Variants in FAM184B observed in about 807,000 individuals in gnomAD.
FAM184B encodes protein FAM184B.
A neutral mutation model predicts 135.9 loss-of-function variants in FAM184B; 111 were observed. That is an observed-to-expected ratio of 0.82 (90% CI 0.70 to 0.96). FAM184B has a LOEUF of 0.96. Ranked by LOEUF, FAM184B falls within the 40% of genes least tolerant of loss-of-function variation. FAM184B has a pLI of 0.00. For missense variants in FAM184B, 1,375 were observed against 1,323.9 expected (o/e 1.04, Z -0.60); for synonymous variants, 552 against 524.8 (o/e 1.05, Z -0.71).
At position 17,631,655 on chromosome 4, in the gene FAM184B, G is replaced by A. The variant is rs1560161336; in HGVS notation, c.*877C>T. 1.3e-5 allele frequency: 2 copies of A among 152,266 alleles called. No individual in the cohort carries two copies. The highest frequency in any genetic ancestry group is 2.4e-5 in the African/African-American group (1 of 41,546). 9.4% of individuals were successfully genotyped at this position (152,266 alleles called of 1,614,324 possible). ...TTAATCCTTGCAAAGCCCTTTTAGAGGTGGGTGTTATCCCATCTATAATCT... is the reference window on the plus strand; with the variant it reads ...TTAATCCTTGCAAAGCCCTTTTAGAAGTGGGTGTTATCCCATCTATAATCT... On this transcript the variant is annotated 3_prime_UTR_variant, in exon 18 of 18. Coordinates refer to ENST00000265018, the MANE Select transcript of FAM184B (RefSeq NM_015688.2).
At chr4:17,673,926 T>A (rs145658331) in intron 7 of FAM184B, among the ~76,000 whole-genome samples, 2,537 of 151,874 alleles carry the variant, frequency 0.017, 83 homozygotes, top group African/African-American at 0.058. Flanking sequence ...TAAAAAAAAA[T>A]TTAAAACAAC....
intron 14 of FAM184B, among the ~76,000 whole-genome samples, chr4:17,637,022 T>C (rs766120272): frequency 6.6e-5 from 10 of 152,114 alleles, no homozygotes; most frequent in Admixed American, 1.3e-4. Flanking sequence ...GGCCGGTACC[T>C]ATGGCCTTTT....
chr4:17,654,291 T>C (rs1323874328), intron 10 of FAM184B, among the ~76,000 whole-genome samples: 1 of 151,994 alleles, frequency 6.6e-6, no homozygotes, highest in Admixed American at 6.6e-5. Context: ...ATGAATTTGG[T>C]TTCCCAGGGT....
chr4:17,694,522 CA>C (rs5856442), intron 5 of FAM184B, among the ~76,000 whole-genome samples: 79 of 141,518 alleles, frequency 5.6e-4, no homozygotes, highest in South Asian at 3.6e-3. Context: ...GACTCCATCT[CA>C]AAAAAAAAAA....
intron 1 of FAM184B, among the ~76,000 whole-genome samples, chr4:17,773,317 C>T (rs1267297002): frequency 1.3e-5 from 2 of 152,218 alleles, no homozygotes. Flanking sequence ...GGAGAAACTG[C>T]AACCACTTGA....
chr4:17,673,890 A>C (rs555497634), intron 7 of FAM184B, among the ~76,000 whole-genome samples: 2 of 152,216 alleles, frequency 1.3e-5, no homozygotes, highest in Non-Finnish European at 2.9e-5. Context: ...ACCAAACACC[A>C]CCTGTTCACC....
intron 1 of FAM184B, among the ~76,000 whole-genome samples, chr4:17,714,739 G>T (rs1052473380): frequency 6.6e-6 from 1 of 152,046 alleles, no homozygotes; most frequent in South Asian, 2.1e-4. Flanking sequence ...GAAATTTAGG[G>T]GCAAGCTTCC....
intron 16 of FAM184B, among the ~76,000 whole-genome samples, chr4:17,634,474 C>T (rs1047635826): frequency 6.6e-6 from 1 of 152,166 alleles, no homozygotes; most frequent in Non-Finnish European, 1.5e-5. Context: ...CAGGCATCTG[C>T]CACCAAGCCC....
At chr4:17,661,024 A>G (rs1715906192) in intron 8 of FAM184B, among the ~76,000 whole-genome samples, 1 of 152,160 alleles carries the variant, frequency 6.6e-6, no homozygotes, top group African/African-American at 2.4e-5. Context: ...TGATACTAGA[A>G]GCAGCATAGG....
chr4:17,678,692 A>G (rs192528505), intron 7 of FAM184B, among the ~76,000 whole-genome samples: 53 of 152,278 alleles, frequency 3.5e-4, no homozygotes, highest in African/African-American at 1.2e-3. Context: ...TAAAATTCAT[A>G]TGGTAAAAAA....
rs117872873 is a variant in FAM184B at position 17,674,434 on chromosome 4, T to A, written c.1597-9775A>T. 7.2e-5 allele frequency among the ~76,000 whole-genome samples: 11 copies of A among 152,314 alleles called. No individual in the cohort carries two copies. The East Asian group carries it at 2.1e-3, about 29-fold the overall frequency. ...AAAAATGTTAACAATCACCTGAGCC[T>A]TCAGTGTATTGTAATCTTTTTGCTG... On this transcript the variant is annotated intron_variant, in intron 7 of 17. Coordinates refer to ENST00000265018, the MANE Select transcript of FAM184B (RefSeq NM_015688.2).
At chr4:17,758,305 T>C (rs1718465280) in intron 1 of FAM184B, among the ~76,000 whole-genome samples, 1 of 152,238 alleles carries the variant, frequency 6.6e-6, no homozygotes, top group Non-Finnish European at 1.5e-5. Flanking sequence ...GCAGCAATGC[T>C]TCATGATAAA....
chr4:17,692,063 A>G (rs1311722707), intron 6 of FAM184B, among the ~76,000 whole-genome samples: 1 of 152,190 alleles, frequency 6.6e-6, no homozygotes, highest in Non-Finnish European at 1.5e-5. Flanking sequence ...AAAAAAAAAA[A>G]AAAAGAATAA....
At chr4:17,718,380 G>A (rs558714508) in intron 1 of FAM184B, among the ~76,000 whole-genome samples, 1 of 152,222 alleles carries the variant, frequency 6.6e-6, no homozygotes, top group South Asian at 2.1e-4. Flanking sequence ...TTTACTCAAT[G>A]TTTTTGCAGC....
Position 17,639,273 on chromosome 4 carries a change from G to A in FAM184B, c.2643C>T (p.Ala881=). The A allele has an allele frequency of 6.4e-7, 1 of 1,551,702 alleles. No individual in the cohort carries two copies. Among genetic ancestry groups the A allele is most frequent in the Non-Finnish European group, 8.7e-7 (1 of 1,146,994 alleles). The change falls in exon 14 of 18, where the codon GCC becomes GCT. Residue 881 remains alanine, a synonymous_variant. Coordinates refer to ENST00000265018, the MANE Select transcript of FAM184B (RefSeq NM_015688.2). ...DFSSAQAQLQ[A]RLAALEAELK... ...ACTCGGCTTCCAGGGCAGCCAGCCG[G>A]GCCTGGAGCTGGGCCTGGGCACTAC...
intron 5 of FAM184B, among the ~76,000 whole-genome samples, chr4:17,700,288 T>G (rs556762714): frequency 6.6e-6 from 1 of 152,188 alleles, no homozygotes; most frequent in South Asian, 2.1e-4. Flanking sequence ...AAAAGCACTT[T>G]TAATAGAAAG....
chr4:17,666,469 C>CTTTTTTTTTGTTTTTTT (rs1716051226), intron 7 of FAM184B, among the ~76,000 whole-genome samples: 2 of 57,158 alleles, frequency 3.5e-5, no homozygotes, highest in Non-Finnish European at 5.9e-5. Flanking sequence ...GTGCCTGGTT[C>CTTTTTTTTTGTTTTTTT]TTTTTTTTTT....
intron 5 of FAM184B, among the ~76,000 whole-genome samples, chr4:17,700,005 G>A (rs1048296909): frequency 6.6e-6 from 1 of 152,100 alleles, no homozygotes; most frequent in African/African-American, 2.4e-5. Context: ...AAATTTAAAG[G>A]TGCATATTCC....
chr4:17,650,366 G>A (rs1715582032), intron 11 of FAM184B, among the ~76,000 whole-genome samples: 1 of 152,206 alleles, frequency 6.6e-6, no homozygotes, highest in African/African-American at 2.4e-5. Context: ...TACTGTAGGT[G>A]CTTGCACCTT....
Sources: gnomAD v4.1 joint callset for allele counts (sites outside exome capture counted in the v4.1 genomes callset) on GRCh38, gnomAD v4.1.1 for gene constraint, MANE v1.5 for transcripts, NCBI Gene and HGNC (gene_info 2026-07-23, HGNC 2026-07-21) for gene names.